Variants in DACH2 observed in about 807,000 individuals in gnomAD.
DACH2 encodes dachshund homolog 2.
In DACH2, 17 loss-of-function variants were observed where a neutral mutation model predicts 35.8. That is an observed-to-expected ratio of 0.48 (90% CI 0.33 to 0.71). The LOEUF (loss-of-function observed/expected upper bound fraction) is 0.71, where lower values mean the gene tolerates loss of function less well. DACH2 is among the 30% of genes least tolerant of loss of function. The probability of loss-of-function intolerance (pLI) is 0.02; values close to 1 mark genes in which losing one functional copy is unlikely to be tolerated. For missense variants in DACH2, 469 were observed against 472.7 expected (o/e 0.99, Z 0.07); for synonymous variants, 195 against 177.3 (o/e 1.10, Z -0.79).
chrX:86,829,004 C>T (rs41310693), intron 11 of DACH2: 1,535 of 112,037 alleles, frequency 0.014, 11 homozygotes, highest in Middle Eastern at 0.028. Context: ...GAGTTTTTAT[C>T]CATTTTCTAG....
intron 3 of DACH2, among the ~76,000 whole-genome samples, chrX:86,544,569 G>T (rs1283400069): frequency 1.8e-5 from 2 of 111,108 alleles, no homozygotes; most frequent in Non-Finnish European, 3.8e-5. Context: ...GGAGAAATAA[G>T]ATTCTTGTCT....
chrX:86,776,332 G>C (rs1216275869), intron 7 of DACH2, among the ~76,000 whole-genome samples: 2 of 111,529 alleles, frequency 1.8e-5, no homozygotes, highest in African/African-American at 6.5e-5. Context: ...AATCTCACTT[G>C]TAAGTGCACC....
intron 1 of DACH2, among the ~76,000 whole-genome samples, chrX:86,179,673 C>A (rs914718233): frequency 9.0e-6 from 1 of 111,451 alleles, no homozygotes; most frequent in Non-Finnish European, 1.9e-5. Flanking sequence ...ATATTTCCTG[C>A]ATTTTTGAGC....
At chrX:86,735,409 A>G (rs926236916) in intron 6 of DACH2, among the ~76,000 whole-genome samples, 2 of 112,046 alleles carry the variant, frequency 1.8e-5, no homozygotes, top group Non-Finnish European at 3.8e-5. Context: ...ATTCTTTATG[A>G]AGGTTCAAAT....
At chrX:86,191,613 C>T (rs2031835544) in intron 1 of DACH2, among the ~76,000 whole-genome samples, 1 of 111,011 alleles carries the variant, frequency 9.0e-6, no homozygotes, top group African/African-American at 3.3e-5. Flanking sequence ...CATGTGTACC[C>T]CTGAACCTAA....
intron 1 of DACH2, among the ~76,000 whole-genome samples, chrX:86,274,049 G>T (rs2033861517): frequency 8.9e-6 from 1 of 111,878 alleles, no homozygotes; most frequent in South Asian, 3.7e-4. Flanking sequence ...TTGCACAGTT[G>T]TAATAGTCCC....
At chrX:86,395,770 G>C (rs149702529) in intron 2 of DACH2, among the ~76,000 whole-genome samples, 14,735 of 111,340 alleles carry the variant, frequency 0.13, 1,572 homozygotes, top group African/African-American at 0.36. Context: ...GCCACATTTT[G>C]TTAACCCAGT....
intron 4 of DACH2, among the ~76,000 whole-genome samples, chrX:86,665,739 A>T (rs1359105885): frequency 9.7e-6 from 1 of 103,442 alleles, no homozygotes; most frequent in Non-Finnish European, 2.0e-5. Context: ...TTAATTGCTG[A>T]TGAGGGTTCA....
intron 1 of DACH2, among the ~76,000 whole-genome samples, chrX:86,346,451 G>T (rs781747611): frequency 4.5e-5 from 5 of 110,221 alleles, no homozygotes; most frequent in Non-Finnish European, 9.5e-5. Context: ...ATAAGTTAGA[G>T]CTGAGAGTAT....
At chrX:86,322,716 T>C (rs1431093230) in intron 1 of DACH2, among the ~76,000 whole-genome samples, 1 of 111,575 alleles carries the variant, frequency 9.0e-6, no homozygotes, top group Non-Finnish European at 1.9e-5. Flanking sequence ...ATGGAGGGAG[T>C]GTACTGGACT....
At chrX:86,768,860 A>G (rs986334479) in intron 7 of DACH2, among the ~76,000 whole-genome samples, 1 of 110,823 alleles carries the variant, frequency 9.0e-6, no homozygotes, top group Non-Finnish European at 1.9e-5. Flanking sequence ...TATGTATTCA[A>G]AGTTTAGCTC....
intron 1 of DACH2, among the ~76,000 whole-genome samples, chrX:86,303,916 C>A (rs1166725646): frequency 9.0e-6 from 1 of 111,195 alleles, no homozygotes; most frequent in Non-Finnish European, 1.9e-5. Context: ...ACAAAAGACT[C>A]AGAATAGTCA....
chrX:86,252,064 G>A (rs145491884), intron 1 of DACH2, among the ~76,000 whole-genome samples: 241 of 111,310 alleles, frequency 2.2e-3, no homozygotes, highest in African/African-American at 7.4e-3. Context: ...TCACATTGTG[G>A]TTTTGATTTG....
intron 1 of DACH2, among the ~76,000 whole-genome samples, chrX:86,158,803 C>G (rs2030645363): frequency 9.0e-6 from 1 of 111,186 alleles, no homozygotes; most frequent in Non-Finnish European, 1.9e-5. Flanking sequence ...CTATATCTGC[C>G]TCATGCATTA....
chrX:86,388,483 A>G (rs1339126089), intron 2 of DACH2, among the ~76,000 whole-genome samples: 3 of 111,474 alleles, frequency 2.7e-5, no homozygotes, highest in Non-Finnish European at 5.6e-5. Flanking sequence ...ACGTATTCCC[A>G]GAGGTAAACT....
intron 2 of DACH2, among the ~76,000 whole-genome samples, chrX:86,408,326 C>T (rs766369843): frequency 9.0e-6 from 1 of 111,505 alleles, no homozygotes; most frequent in East Asian, 2.8e-4. Flanking sequence ...TCAAGTAGCT[C>T]AGTGTTGTGG....
intron 1 of DACH2, among the ~76,000 whole-genome samples, chrX:86,332,970 A>G (rs1291511075): frequency 8.9e-6 from 1 of 112,032 alleles, no homozygotes; most frequent in Non-Finnish European, 1.9e-5. Flanking sequence ...ATTTATGCTT[A>G]TTAGTTTTTC....
intron 2 of DACH2, among the ~76,000 whole-genome samples, chrX:86,410,999 A>G (rs2036600987): frequency 2.2e-5 from 1 of 44,538 alleles, no homozygotes; most frequent in Non-Finnish European, 4.2e-5. Flanking sequence ...AGGGTTCTCT[A>G]GAGGGACAGA....
At chrX:86,698,648 C>T (rs761490155) in intron 5 of DACH2, among the ~76,000 whole-genome samples, 2 of 102,617 alleles carry the variant, frequency 1.9e-5, no homozygotes, top group Non-Finnish European at 3.9e-5. Flanking sequence ...TCAACTAACC[C>T]CCTCCATCCC....
Sources: gnomAD v4.1 joint callset for allele counts (sites outside exome capture counted in the v4.1 genomes callset) on GRCh38, gnomAD v4.1.1 for gene constraint, MANE v1.5 for transcripts, NCBI Gene and HGNC (gene_info 2026-07-23, HGNC 2026-07-21) for gene names.